Variants in NLK observed in about 807,000 individuals in gnomAD.
NLK encodes the protein serine/threonine-protein kinase NLK.
In NLK, 11 loss-of-function variants were observed where a neutral mutation model predicts 59.0. The ratio of observed to expected loss-of-function variants is 0.19; its 90% confidence interval spans 0.12 to 0.31. The LOEUF (loss-of-function observed/expected upper bound fraction) is 0.31. Ranked by LOEUF, NLK falls within the 10% of genes least tolerant of loss-of-function variation. NLK has a pLI of 1.00. For missense variants in NLK, 410 were observed against 661.1 expected, an observed-to-expected ratio of 0.62 and a Z score of 4.16; for synonymous variants, 235 against 235.9, an observed-to-expected ratio of 1.00 and a Z score of 0.03.
chr17:28,111,905 G>GTA (rs1905531025), intron 1 of NLK, among the ~76,000 whole-genome samples: 1 of 110,182 alleles, frequency 9.1e-6, no homozygotes, highest in Non-Finnish European at 2.0e-5. Flanking sequence ...TGGTGTGTGT[G>GTA]TGTGTGTGTG....
Position 28,120,865 on chromosome 17 carries a change from T to G in NLK, c.459-1738T>G, listed in dbSNP as rs1258987079. Among the ~76,000 whole-genome samples the G allele has an allele frequency of 7.2e-5, 11 of 152,296 alleles. No individual in the cohort carries two copies. The South Asian group carries it at 2.1e-3, about 29-fold the overall frequency. On this transcript the variant is annotated intron_variant, in intron 1 of 10. Transcript: ENST00000407008. ...CAGATATGTAGACAATAGGAATTTT[T>G]ATTTTCAGGAAAGCAATTTGATGAG...
intron 3 of NLK, among the ~76,000 whole-genome samples, chr17:28,136,494 T>C (rs1906752099): frequency 1.3e-5 from 2 of 152,220 alleles, no homozygotes; most frequent in African/African-American, 4.8e-5. Flanking sequence ...AAAACTTGTA[T>C]TATAGAACAA....
intron 3 of NLK, among the ~76,000 whole-genome samples, chr17:28,160,669 C>T (rs1006287872): frequency 2.0e-5 from 3 of 152,132 alleles, no homozygotes; most frequent in Non-Finnish European, 4.4e-5. Flanking sequence ...TGTGGAGAGA[C>T]TTAACTAATT....
chr17:28,131,599 A>C (rs896950569), intron 2 of NLK, among the ~76,000 whole-genome samples: 7 of 131,064 alleles, frequency 5.3e-5, no homozygotes, highest in South Asian at 2.4e-4. Flanking sequence ...AAAAAAAAAA[A>C]AAAAAAAAAA....
intron 1 of NLK, among the ~76,000 whole-genome samples, chr17:28,047,045 G>A (rs1281658841): frequency 2.0e-5 from 3 of 152,164 alleles, no homozygotes; most frequent in Admixed American, 2.0e-4. Context: ...CTAGCTCTGT[G>A]ATCTCGATAA....
rs531540539 is a variant in NLK, at chr17:28,178,350, T to A, written c.1149+5732T>A. Among the ~76,000 whole-genome samples, 11 of 152,234 alleles carry A rather than the reference T, an allele frequency of 7.2e-5. 1 individual carries two copies. The South Asian group carries it at 2.3e-3, about 32-fold the overall frequency. On this transcript the variant is annotated intron_variant, in intron 7 of 10. Transcript: ENST00000407008. ...TCAAGCCTAATCAAACCACTTGGTTTGGGAGTGAAAGGGGGTGGTTCCCTA... is the reference window on the plus strand; with the variant it reads ...TCAAGCCTAATCAAACCACTTGGTTAGGGAGTGAAAGGGGGTGGTTCCCTA...
intron 3 of NLK, among the ~76,000 whole-genome samples, chr17:28,141,688 A>G (rs1906999342): frequency 6.6e-6 from 1 of 152,190 alleles, no homozygotes; most frequent in African/African-American, 2.4e-5. Flanking sequence ...GTTAATATTC[A>G]TTGTATTGGC....
intron 1 of NLK, among the ~76,000 whole-genome samples, chr17:28,110,256 A>AT (rs1489502913): frequency 2.0e-5 from 3 of 151,882 alleles, no homozygotes; most frequent in African/African-American, 7.3e-5. Flanking sequence ...TTTGGACTTC[A>AT]TTTTTGAAGG....
chr17:28,145,318 C>T (rs144846625), intron 3 of NLK, among the ~76,000 whole-genome samples: 1 of 152,204 alleles, frequency 6.6e-6, no homozygotes, highest in East Asian at 1.9e-4. Flanking sequence ...ATGAAGAATA[C>T]TAATCTGATA....
At chr17:28,123,071 T>G (rs183654342) in intron 2 of NLK, among the ~76,000 whole-genome samples, 12 of 152,310 alleles carry the variant, frequency 7.9e-5, no homozygotes, top group Admixed American at 3.9e-4. Context: ...GTTTTCAACC[T>G]TAACATATTA....
At chr17:28,059,720 TAAC>T (rs1909563758) in intron 1 of NLK, among the ~76,000 whole-genome samples, 1 of 152,202 alleles carries the variant, frequency 6.6e-6, no homozygotes, top group South Asian at 2.1e-4. Flanking sequence ...GGCATATGTT[TAAC>T]AACAGGCTCT....
At chr17:28,196,887 CTAGA>C (rs1489079038), downstream of NLK, among the ~76,000 whole-genome samples, 2 of 152,160 alleles carry the variant, frequency 1.3e-5, no homozygotes, top group Non-Finnish European at 2.9e-5. Flanking sequence ...TTCCCTGAGG[CTAGA>C]TAAAGCAACA....
At chr17:28,111,891 TGTGTG>T (rs1295484251) in intron 1 of NLK, among the ~76,000 whole-genome samples, 10 of 113,778 alleles carry the variant, frequency 8.8e-5, no homozygotes, top group East Asian at 8.0e-4. Context: ...TGTGTGTGTG[TGTGTG>T]GTGTGTGTGT....
chr17:28,078,922 A>G (rs1473596811), intron 1 of NLK, among the ~76,000 whole-genome samples: 4 of 152,186 alleles, frequency 2.6e-5, no homozygotes, highest in South Asian at 2.1e-4. Flanking sequence ...CATTGTAACC[A>G]TTTAAAAATG....
intron 1 of NLK, among the ~76,000 whole-genome samples, chr17:28,058,524 G>A (rs1050598694): frequency 6.6e-6 from 1 of 152,140 alleles, no homozygotes; most frequent in African/African-American, 2.4e-5. Context: ...CGAAGATTCG[G>A]GTCATGTCTT....
chr17:28,050,330 G>A (rs994858255), intron 1 of NLK, among the ~76,000 whole-genome samples: 1 of 152,208 alleles, frequency 6.6e-6, no homozygotes, highest in Non-Finnish European at 1.5e-5. Context: ...TGAATGTGCA[G>A]TGCAGTGGGT....
At chr17:28,157,371 A>G (rs1479196228) in intron 3 of NLK, among the ~76,000 whole-genome samples, 3 of 151,754 alleles carry the variant, frequency 2.0e-5, no homozygotes, top group East Asian at 1.9e-4. Flanking sequence ...TTGTATTTTT[A>G]GTAGAGATGG....
chr17:28,043,116 T>C lies in NLK; in HGVS notation c.243T>C (p.Ala81=), dbSNP rs1476239729. ...CGGCAGCCGCAGCAGCGGCTGCAGC[T>C]GCAGCCATGTTAAACCCTGGGCAAC... ...AAAAAAAAAA[A]AAMLNPGQQQ... The change falls in exon 1 of 11, where the codon GCT becomes GCC. Residue 81 remains alanine, a synonymous_variant. Transcript: ENST00000407008. 2.1e-5 allele frequency: 34 copies of C among 1,598,560 alleles called. No individual in the cohort carries two copies. The Middle Eastern group carries it at 6.6e-4, about 31-fold the overall frequency.
chr17:28,154,218 A>G (rs888041813), intron 3 of NLK, among the ~76,000 whole-genome samples: 1 of 152,220 alleles, frequency 6.6e-6, no homozygotes, highest in East Asian at 1.9e-4. Context: ...GGAGGCATCA[A>G]GTATCTCAGA....
Sources: allele counts gnomAD v4.1 joint callset (sites outside exome capture counted in the v4.1 genomes callset), GRCh38; gene constraint gnomAD v4.1.1; transcripts MANE v1.5; gene names NCBI Gene and HGNC (gene_info 2026-07-23, HGNC 2026-07-21).